KMO: variants seen among roughly 807,000 people sequenced by gnomAD.
KMO encodes kynurenine 3-monooxygenase, also known as kynurenine 3-hydroxylase.
A neutral mutation model predicts 57.8 loss-of-function variants in KMO; 24 were observed. The ratio of observed to expected loss-of-function variants is 0.42; its 90% confidence interval spans 0.30 to 0.58. The LOEUF is 0.58. Among genes scored for constraint, KMO ranks in the 20% least tolerant of loss-of-function variants. The probability of loss-of-function intolerance (pLI) is 0.22; values close to 1 mark genes in which losing one functional copy is unlikely to be tolerated. For synonymous variants in KMO, 210 were observed against 193.6 expected (o/e 1.08, Z -0.70); for missense variants, 483 against 588.2 (o/e 0.82, Z 1.85).
At chr1:241,587,137 G>T (rs1663029310) in intron 11 of KMO, among the ~76,000 whole-genome samples, 1 of 152,164 alleles carries the variant, frequency 6.6e-6, no homozygotes, top group African/African-American at 2.4e-5. Flanking sequence ...CAGACAGGGG[G>T]TGGGGGGAGA....
chr1:241,582,281 C>A (rs1272870205), intron 10 of KMO, among the ~76,000 whole-genome samples: 2 of 152,036 alleles, frequency 1.3e-5, no homozygotes, highest in East Asian at 3.9e-4. Context: ...GTTTTATGAT[C>A]TTCTTGTAGC....
chr1:241,591,585 T>C (rs1663303193), intron 14 of KMO, among the ~76,000 whole-genome samples: 1 of 152,198 alleles, frequency 6.6e-6, no homozygotes, highest in Admixed American at 6.5e-5. Context: ...TGGAGACTTT[T>C]GGGAAGCTTC....
intron 5 of KMO, among the ~76,000 whole-genome samples, chr1:241,558,283 T>G (rs1661712058): frequency 6.6e-6 from 1 of 152,252 alleles, no homozygotes; most frequent in African/African-American, 2.4e-5. Flanking sequence ...ATGTGCTGCA[T>G]GGCACACAAT....
chr1:241,586,004 T>C (rs547152222), intron 10 of KMO, among the ~76,000 whole-genome samples: 4 of 152,046 alleles, frequency 2.6e-5, no homozygotes, highest in Non-Finnish European at 4.4e-5. Context: ...TCTTAAAGAC[T>C]TGAATGAGTT....
chr1:241,550,998 C>G lies in KMO; in HGVS notation c.266C>G (p.Ser89Cys). 1.9e-6 allele frequency: 3 copies of G among 1,564,650 alleles called. No individual in the cohort carries two copies. Among genetic ancestry groups the G allele is most frequent in the African/African-American group, 2.8e-5 (2 of 71,828 alleles). The part of the protein sequence containing the change: ...GIPMRARMIH[S>C]LSGKKSAIPY... Reference sequence around the variant, plus strand: ...CCCATGAGAGCAAGAATGATCCACTCTCTTTCAGGAAAAAAGTCTGCAATT... The same window carrying G: ...CCCATGAGAGCAAGAATGATCCACTGTCTTTCAGGAAAAAAGTCTGCAATT... The change falls in exon 4 of 15, where the codon TCT (serine) becomes TGT (cysteine). Residue 89 changes from serine (S) to cysteine (C), a missense_variant. Ser to Cys is a moderately radical substitution (Grantham distance 112). Around this residue, in one of 3 missense-constraint regions of KMO, gnomAD observed 410 missense variants for 492.3 expected, o/e 0.83. Coordinates refer to ENST00000366559, the MANE Select transcript of KMO (RefSeq NM_003679.5).
At chr1:241,586,466 C>T (rs1176809823) in intron 10 of KMO, 1 of 487,698 alleles carries the variant, frequency 2.1e-6, no homozygotes, top group African/African-American at 2.0e-5. Context: ...TCCCAAAGTG[C>T]TGGGATTACA....
intron 1 of KMO, among the ~76,000 whole-genome samples, chr1:241,538,564 G>T (rs1054221421): frequency 1.3e-5 from 2 of 152,210 alleles, no homozygotes; most frequent in Middle Eastern, 3.2e-3. Context: ...AGATCAACTA[G>T]AAGTAAGCAA....
chr1:241,570,826 A>T (rs1418733940), intron 10 of KMO, among the ~76,000 whole-genome samples: 1 of 152,114 alleles, frequency 6.6e-6, no homozygotes, highest in African/African-American at 2.4e-5. Flanking sequence ...GAAGAATGAC[A>T]CTGGTATTTT....
At chr1:241,577,468 C>A (rs1582096) in intron 10 of KMO, among the ~76,000 whole-genome samples, 3 of 151,856 alleles carry the variant, frequency 2.0e-5, no homozygotes, top group African/African-American at 7.3e-5. Context: ...TTTATTGTAG[C>A]CTAATTCGGC....
At chr1:241,562,062 C>A in intron 6 of KMO, 105 bp from the exon 7 acceptor site, 1 of 880,726 alleles carries the variant, frequency 1.1e-6, no homozygotes, top group Non-Finnish European at 1.7e-6. Flanking sequence ...TGAAAGTGAG[C>A]TTTCTAAGTT....
chr1:241,572,478 A>C (rs1558425522), intron 10 of KMO, among the ~76,000 whole-genome samples: 1 of 151,946 alleles, frequency 6.6e-6, no homozygotes, highest in Non-Finnish European at 1.5e-5. Flanking sequence ...TTCTGTGTCT[A>C]GCTAAAGGTT....
In KMO at chr1:241,592,800, C is replaced by T. The variant is rs990388262; in HGVS notation, c.*647C>T. The T allele has an allele frequency of 1.0e-5, 1 of 98,854 alleles. No homozygotes were observed. The highest frequency in any genetic ancestry group is 2.3e-5 in the Non-Finnish European group (1 of 43,528). The allele number at this position is 98,854 out of a possible 1,614,324, so 6.1% of individuals were successfully genotyped here. A position where few individuals can be genotyped will look rare whatever the true frequency, so the allele number is the denominator to read the frequency against. On this transcript the variant is annotated 3_prime_UTR_variant, in exon 15 of 15. Coordinates refer to ENST00000366559, the MANE Select transcript of KMO (RefSeq NM_003679.5). ...TATCTATCTATCTATCTATCTATCT[C>T]TATTTATTTATGTATTTAGAGATCA...
intron 11 of KMO, 37 bp from the exon 12 acceptor site, chr1:241,588,711 T>C (rs766277933): frequency 1.4e-6 from 2 of 1,470,480 alleles, no homozygotes; most frequent in Non-Finnish European, 1.9e-6. Flanking sequence ...CACATTTTTA[T>C]AGAAGGTTTT....
At chr1:241,588,716 G>A (rs751410173) in intron 11 of KMO, 32 bp from the exon 12 acceptor site, 1 of 1,503,316 alleles carries the variant, frequency 6.7e-7, no homozygotes, top group South Asian at 1.1e-5. Context: ...TTTTATAGAA[G>A]GTTTTGGAAA....
chr1:241,564,386 T>C (rs1294089772), intron 7 of KMO, among the ~76,000 whole-genome samples: 1 of 152,142 alleles, frequency 6.6e-6, no homozygotes, highest in Non-Finnish European at 1.5e-5. Flanking sequence ...ATTGTATTAA[T>C]AGTAATTACA....
intron 1 of KMO, chr1:241,536,464 G>A (rs1405941803): frequency 9.2e-6 from 9 of 977,416 alleles, no homozygotes; most frequent in Non-Finnish European, 1.1e-5. Context: ...TGTTTTCAGT[G>A]TTTACAGGTA....
intron 1 of KMO, chr1:241,536,511 G>A: frequency 1.0e-6 from 1 of 985,772 alleles, no homozygotes; most frequent in Non-Finnish European, 1.2e-6. Context: ...CACCATTTCA[G>A]TGACAGCTAA....
chr1:241,580,695 A>T (rs554488676), intron 10 of KMO, among the ~76,000 whole-genome samples: 19 of 152,188 alleles, frequency 1.2e-4, no homozygotes, highest in East Asian at 7.7e-4. Flanking sequence ...GTTTCATCTC[A>T]CTGTGGTCAG....
chr1:241,563,583 A>G (rs1661959428), intron 7 of KMO, among the ~76,000 whole-genome samples: 1 of 152,226 alleles, frequency 6.6e-6, no homozygotes, highest in Admixed American at 6.5e-5. Flanking sequence ...ATGGCCCAGA[A>G]TCTGATAACT....
Sources: gnomAD v4.1 joint callset for allele counts (sites outside exome capture counted in the v4.1 genomes callset) on GRCh38, gnomAD v4.1.1 for gene constraint, gnomAD v4.1.1 regional missense constraint, MANE v1.5 for transcripts, NCBI Gene and HGNC (gene_info 2026-07-23, HGNC 2026-07-21) for gene names.